The following MAP7D2 variants were observed in gnomAD, a reference collection of about 807,000 sequenced individuals.
The protein encoded by MAP7D2 is MAP7 domain containing 2, also known as MAP7 domain-containing protein 2.
Under a neutral mutation model 63.5 loss-of-function variants are expected in MAP7D2, and 33 were observed. The observed-to-expected ratio is 0.52, with a 90% CI of 0.39 to 0.70. The LOEUF (loss-of-function observed/expected upper bound fraction) is 0.70. MAP7D2 is among the 30% of genes least tolerant of loss of function. MAP7D2 has a pLI of 0.00. For missense variants in MAP7D2, 626 were observed against 604.0 expected (o/e 1.04, Z -0.38); for synonymous variants, 224 against 223.7 (o/e 1.00, Z -0.01).
chrX:20,015,275 T>C lies in MAP7D2; in HGVS notation c.1697A>G (p.Glu566Gly). The part of the protein sequence containing the change: ...AREVAEQMRL[E>G]REQIMLQIEQ... ...AATCTGCAGCATAATCTGTTCTCTCTCGAGACGCATCTGTTCAGCTACCTC... is the reference window on the plus strand; with the variant it reads ...AATCTGCAGCATAATCTGTTCTCTCCCGAGACGCATCTGTTCAGCTACCTC... The change falls in exon 12 of 17, where the codon GAG (glutamate) becomes GGG (glycine). Residue 566 changes from glutamate (E) to glycine (G), a missense_variant. Coordinates refer to ENST00000379643, the MANE Select transcript of MAP7D2 (RefSeq NM_001168465.2). 1 of 1,211,284 alleles carries C rather than the reference T, an allele frequency of 8.3e-7. No individual in the cohort carries two copies.
intron 1 of MAP7D2, among the ~76,000 whole-genome samples, chrX:20,098,903 CCA>C (rs1317596361): frequency 6.2e-5 from 7 of 112,626 alleles, no homozygotes; most frequent in Non-Finnish European, 1.3e-4. Flanking sequence ...AAACACACGG[CCA>C]CAGTTTGGTT....
chrX:20,025,359 C>T (rs963159590), intron 9 of MAP7D2, among the ~76,000 whole-genome samples: 2 of 112,158 alleles, frequency 1.8e-5, no homozygotes, highest in African/African-American at 3.2e-5. Context: ...TCTGGGTGAA[C>T]TCACTGCATC....
chrX:20,094,504 A>T (rs1423523158), intron 1 of MAP7D2, among the ~76,000 whole-genome samples: 1 of 22,099 alleles, frequency 4.5e-5, no homozygotes, highest in Non-Finnish European at 8.2e-5. Context: ...ATATATATAT[A>T]TATATATATA....
chrX:20,077,636 G>A (rs956296694), intron 1 of MAP7D2, among the ~76,000 whole-genome samples: 1 of 111,877 alleles, frequency 8.9e-6, no homozygotes, highest in Non-Finnish European at 1.9e-5. Flanking sequence ...GCTATTCTGC[G>A]TTGGCTATTC....
In MAP7D2 at chrX:20,116,808, T is replaced by C. The variant is rs763210741; in HGVS notation, c.72A>G (p.Pro24=). 32 of 1,187,885 alleles carry C rather than the reference T, an allele frequency of 2.7e-5. No homozygotes were observed. The South Asian group carries it at 4.8e-4, about 18-fold the overall frequency. ...CCGCGCCCGGTTCTGCGATCTTCCC[T>C]GGGAGAGAGGTTCCCCGCGCAGTCC... is the stretch of plus-strand genomic sequence containing the variant. The part of the protein sequence containing the change: ...PEGTARGTSL[P]GKIAEPGAVR... The change falls in exon 1 of 17, where the codon CCA becomes CCG. Residue 24 remains proline (P), a synonymous_variant. Transcript: ENST00000379643.
At chrX:20,072,418 T>A (rs760896086) in intron 1 of MAP7D2, among the ~76,000 whole-genome samples, 4 of 111,420 alleles carry the variant, frequency 3.6e-5, no homozygotes, top group Non-Finnish European at 7.5e-5. Context: ...ACCCTCCCTT[T>A]CCAGTCCATC....
intron 1 of MAP7D2, among the ~76,000 whole-genome samples, chrX:20,114,546 G>T (rs2066839524): frequency 1.8e-5 from 2 of 112,489 alleles, no homozygotes; most frequent in Non-Finnish European, 3.8e-5. Flanking sequence ...CTATTCAGAG[G>T]TAATTAAAAG....
intron 1 of MAP7D2, among the ~76,000 whole-genome samples, chrX:20,109,082 A>G (rs759622235): frequency 1.9e-4 from 21 of 109,012 alleles, no homozygotes; most frequent in Non-Finnish European, 3.6e-4. Flanking sequence ...TACTAAGTAA[A>G]AGGCATACAA....
At chrX:20,049,816 G>C (rs746231471) in intron 6 of MAP7D2, 1 of 324,407 alleles carries the variant, frequency 3.1e-6, no homozygotes, top group South Asian at 2.7e-5. Context: ...TGTGAGGGAA[G>C]AGTGTCTCCA....
chrX:20,076,701 CA>C (rs768672531), intron 1 of MAP7D2, among the ~76,000 whole-genome samples: 1,744 of 71,573 alleles, frequency 0.024, 12 homozygotes, highest in Middle Eastern at 0.036. Context: ...AACTTAGTCT[CA>C]AAAAAAAAAA....
intron 11 of MAP7D2, among the ~76,000 whole-genome samples, 194 bp from the exon 12 acceptor site, chrX:20,015,521 G>A (rs1215388872): frequency 8.9e-6 from 1 of 112,358 alleles, no homozygotes; most frequent in East Asian, 2.8e-4. Context: ...TATACCCCTG[G>A]CTCACCATGC....
At chrX:20,019,919 G>C (rs1223873680) in intron 10 of MAP7D2, among the ~76,000 whole-genome samples, 1 of 111,905 alleles carries the variant, frequency 8.9e-6, no homozygotes, top group African/African-American at 3.2e-5. Flanking sequence ...CCAATCACTG[G>C]TTAGAGAGAG....
intron 1 of MAP7D2, among the ~76,000 whole-genome samples, chrX:20,104,990 A>G (rs1264064630): frequency 1.8e-5 from 2 of 112,348 alleles, no homozygotes; most frequent in Non-Finnish European, 3.8e-5. Flanking sequence ...TTTAAGAATA[A>G]GCACATCAGC....
intron 3 of MAP7D2, among the ~76,000 whole-genome samples, chrX:20,060,430 GAGAGAAAGAAAGAAAGAA>G (rs1404729446): frequency 1.7e-4 from 10 of 58,870 alleles, no homozygotes; most frequent in Non-Finnish European, 3.1e-4. Context: ...GAGAGAGAGA[GAGAGAAAGAAAGAAAGAA>G]AGAAAGAAAG....
In MAP7D2 at chrX:20,070,119, T is replaced by C. The variant is rs548347113; in HGVS notation, c.131-5314A>G. 1.4e-4 allele frequency among the ~76,000 whole-genome samples: 16 copies of C among 110,863 alleles called. No homozygotes were observed. The South Asian group carries it at 2.3e-3, about 16-fold the overall frequency. On this transcript the variant is annotated intron_variant, in intron 1 of 16. Coordinates refer to ENST00000379643, the MANE Select transcript of MAP7D2 (RefSeq NM_001168465.2). ...ATGCGCCACCACGCCTGGTTAACTT[T>C]TGTATTTTTAGTAGAGACGGGGTTT...
chrX:20,065,264 CTTTTTTTT>C (rs779399409), intron 1 of MAP7D2, among the ~76,000 whole-genome samples: 1 of 91,451 alleles, frequency 1.1e-5, no homozygotes, highest in Non-Finnish European at 2.2e-5. Flanking sequence ...GAACATTTTA[CTTTTTTTT>C]TTTTTTTTTT....
chrX:20,062,626 A>AATC (rs2065251099), intron 3 of MAP7D2, among the ~76,000 whole-genome samples: 1 of 111,970 alleles, frequency 8.9e-6, no homozygotes, highest in Non-Finnish European at 1.9e-5. Flanking sequence ...CTAAAAGATG[A>AATC]ATCATTATAC....
chrX:20,115,258 AC>A (rs1272598937), intron 1 of MAP7D2, among the ~76,000 whole-genome samples: 1,155 of 104,322 alleles, frequency 0.011, 6 homozygotes, highest in Non-Finnish European at 0.012. Context: ...AAAAAAAAAA[AC>A]CCCTTAAGTT....
At chrX:20,102,168 G>C (rs2066451189) in intron 1 of MAP7D2, among the ~76,000 whole-genome samples, 1 of 111,640 alleles carries the variant, frequency 9.0e-6, no homozygotes, top group Non-Finnish European at 1.9e-5. Context: ...CTTAAGATTT[G>C]TGTACTTTAG....
Sources: gnomAD v4.1 joint callset for allele counts (sites outside exome capture counted in the v4.1 genomes callset) on GRCh38, gnomAD v4.1.1 for gene constraint, MANE v1.5 for transcripts, NCBI Gene and HGNC (gene_info 2026-07-23, HGNC 2026-07-21) for gene names.